Variants in NR3C2 observed in about 807,000 individuals in gnomAD.
NR3C2 encodes nuclear receptor subfamily 3 group C member 2.
A neutral mutation model predicts 86.4 loss-of-function variants in NR3C2; 15 were observed. The ratio of observed to expected loss-of-function variants is 0.17; its 90% CI spans 0.12 to 0.27. NR3C2 has a LOEUF of 0.27. NR3C2 is among the 10% of genes least tolerant of loss of function. The pLI is 1.00. For synonymous variants in NR3C2, 458 were observed against 450.5 expected, an observed-to-expected ratio of 1.02 and a Z score of -0.21; for missense variants, 960 against 1,195.6, an observed-to-expected ratio of 0.80 and a Z score of 2.91.
At chr4:148,104,255 T>C (rs1879827) in intron 8 of NR3C2, among the ~76,000 whole-genome samples, 40,727 of 151,756 alleles carry the variant, frequency 0.27, 6,338 homozygotes, top group African/African-American at 0.43. Context: ...CCATGTCAGT[T>C]ATTCATTTAA....
chr4:148,120,441 C>T (rs1375352449), intron 6 of NR3C2, among the ~76,000 whole-genome samples, 153 bp from the exon 7 acceptor site: 1 of 152,204 alleles, frequency 6.6e-6, no homozygotes, highest in Non-Finnish European at 1.5e-5. Context: ...AAGTTAGATG[C>T]TTTTCATAGT....
intron 2 of NR3C2, among the ~76,000 whole-genome samples, chr4:148,383,169 T>C (rs929511806): frequency 6.6e-6 from 1 of 152,122 alleles, no homozygotes; most frequent in Non-Finnish European, 1.5e-5. Context: ...TCACACTACA[T>C]GTTTCATTAT....
chr4:148,081,449 A>T lies in NR3C2; in HGVS notation c.2850T>A (p.His950Gln). 1 of 1,614,050 alleles carries T rather than the reference A, an allele frequency of 6.2e-7. No homozygotes were observed. Among genetic ancestry groups the T allele is most frequent in the Non-Finnish European group, 8.5e-7 (1 of 1,180,012 alleles). The stretch of plus-strand genomic sequence containing the variant: ...TTGCGGGGAACTCTACCTTCAGCGC[A>T]TGGGACTCTCGGAAGGTGTAGAAGC... ...EFCFYTFRES[H>Q]ALKVEFPAML... Residue 950 changes from histidine (H) to glutamine (Q), a missense_variant, in exon 9 of 9, where the codon CAT becomes CAA. By Grantham distance (24) the His-to-Gln change is conservative (BLOSUM62 0). Around this residue, in one of 4 missense-constraint regions of NR3C2, gnomAD observed 151 missense variants for 296.3 expected, o/e 0.51. Coordinates refer to ENST00000358102, the MANE Select transcript of NR3C2 (RefSeq NM_000901.5).
At chr4:148,167,164 T>C (rs758408574) in intron 4 of NR3C2, among the ~76,000 whole-genome samples, 1 of 152,200 alleles carries the variant, frequency 6.6e-6, no homozygotes, top group Non-Finnish European at 1.5e-5. Flanking sequence ...ATTTCACTGA[T>C]GGCTTTGTTA....
upstream of NR3C2, chr4:148,444,430 C>T (rs1007674015): frequency 7.1e-6 from 7 of 986,420 alleles, no homozygotes; most frequent in African/African-American, 1.0e-4. Context: ...GCGCCCTCTG[C>T]CCTGGGCGCG....
At chr4:148,269,174 G>A (rs1442128276) in intron 2 of NR3C2, among the ~76,000 whole-genome samples, 2 of 152,102 alleles carry the variant, frequency 1.3e-5, no homozygotes, top group East Asian at 3.9e-4. Context: ...AGGGAAAGAA[G>A]AGCTTGCTAA....
In NR3C2 at chr4:148,120,261, A is replaced by G. The variant is rs754792960; in HGVS notation, c.2538T>C (p.Tyr846=). The change falls in exon 7 of 9, where the codon TAT becomes TAC. Residue 846 remains tyrosine, a synonymous_variant. Transcript: ENST00000358102. ...NEEKMHQSAM[Y]ELCQGMHQIS... is the part of the protein sequence containing the mutation. The stretch of plus-strand genomic sequence containing the variant: ...TTTGGTGCATCCCCTGGCATAGTTC[A>G]TACATGGCAGACTGATGCATCTTCT... 6.2e-7 allele frequency: 1 copy of G among 1,614,174 alleles called. No individual in the cohort carries two copies. Among genetic ancestry groups the G allele is most frequent in the African/African-American group, 1.3e-5 (1 of 75,060 alleles).
chr4:148,339,053 T>C (rs1460198434), intron 2 of NR3C2, among the ~76,000 whole-genome samples: 1 of 152,228 alleles, frequency 6.6e-6, no homozygotes, highest in Non-Finnish European at 1.5e-5. Flanking sequence ...CCTATTATTT[T>C]AGTATCTGTA....
chr4:148,403,629 TA>T (rs1748273518), intron 2 of NR3C2, among the ~76,000 whole-genome samples: 2 of 152,096 alleles, frequency 1.3e-5, no homozygotes, highest in Admixed American at 1.3e-4. Flanking sequence ...GATTTTAAAA[TA>T]AGGCAATAAT....
intron 3 of NR3C2, among the ~76,000 whole-genome samples, chr4:148,211,111 C>T: frequency 6.6e-6 from 1 of 152,196 alleles, no homozygotes; most frequent in East Asian, 1.9e-4. Flanking sequence ...TAATCACTGT[C>T]CTTATCCCAC....
intron 4 of NR3C2, among the ~76,000 whole-genome samples, chr4:148,177,114 A>G (rs1462300331): frequency 6.6e-6 from 1 of 152,230 alleles, no homozygotes; most frequent in Non-Finnish European, 1.5e-5. Context: ...ACTGTAAATC[A>G]TCATTTTTTA....
chr4:148,414,043 G>T (rs1307674308), intron 2 of NR3C2, among the ~76,000 whole-genome samples: 5 of 152,076 alleles, frequency 3.3e-5, no homozygotes, highest in Non-Finnish European at 7.4e-5. Context: ...AATAAAACTG[G>T]AAACAATCTA....
intron 4 of NR3C2, among the ~76,000 whole-genome samples, chr4:148,172,600 A>G (rs1236195044): frequency 1.3e-5 from 2 of 152,158 alleles, no homozygotes; most frequent in Non-Finnish European, 2.9e-5. Context: ...ATAACTGTAG[A>G]GCCAAACCTT....
At chr4:148,176,256 A>G (rs1049746863) in intron 4 of NR3C2, among the ~76,000 whole-genome samples, 2 of 152,150 alleles carry the variant, frequency 1.3e-5, no homozygotes, top group Non-Finnish European at 2.9e-5. Context: ...TGAGGGGCCG[A>G]TTTTCATATT....
intron 3 of NR3C2, among the ~76,000 whole-genome samples, chr4:148,228,886 G>A (rs756179795): frequency 6.6e-6 from 1 of 152,056 alleles, no homozygotes; most frequent in African/African-American, 2.4e-5. Context: ...CCAGACTGCC[G>A]GCAGGAAAGA....
chr4:148,428,801 T>C (rs1055596956), intron 2 of NR3C2, among the ~76,000 whole-genome samples: 2 of 152,124 alleles, frequency 1.3e-5, no homozygotes, highest in Non-Finnish European at 2.9e-5. Flanking sequence ...TTAACAAGGC[T>C]CTTTATACTC....
chr4:148,424,494 T>C (rs1487070018), intron 2 of NR3C2, among the ~76,000 whole-genome samples: 2 of 152,226 alleles, frequency 1.3e-5, no homozygotes, highest in African/African-American at 2.4e-5. Context: ...TAAATATTTA[T>C]ATTGGCTTTA....
intron 2 of NR3C2, among the ~76,000 whole-genome samples, chr4:148,304,782 G>A (rs905838605): frequency 6.6e-6 from 1 of 152,150 alleles, no homozygotes; most frequent in Non-Finnish European, 1.5e-5. Context: ...GGGAGAATGC[G>A]GTGGAGCCAC....
chr4:148,394,025 T>C (rs1366996548), intron 2 of NR3C2, among the ~76,000 whole-genome samples: 1 of 152,174 alleles, frequency 6.6e-6, no homozygotes, highest in East Asian at 1.9e-4. Context: ...CTCTCACCTT[T>C]CTGCTCTTTG....
Sources: gnomAD v4.1 joint callset for allele counts (sites outside exome capture counted in the v4.1 genomes callset) on GRCh38, gnomAD v4.1.1 for gene constraint, gnomAD v4.1.1 regional missense constraint, MANE v1.5 for transcripts, NCBI Gene and HGNC (gene_info 2026-07-23, HGNC 2026-07-21) for gene names.